The following LRBA variants were observed in gnomAD, a reference collection of about 807,000 sequenced individuals.
The protein encoded by LRBA is LPS responsive beige-like anchor protein.
LRBA carries 176 observed loss-of-function variants against 330.0 expected under a neutral mutation model. The observed-to-expected ratio is 0.53, with a 90% CI of 0.47 to 0.60. The LOEUF (loss-of-function observed/expected upper bound fraction) is 0.60, where lower values mean the gene tolerates loss of function less well. Ranked by LOEUF, LRBA falls within the 20% of genes least tolerant of loss-of-function variation. The probability of loss-of-function intolerance (pLI) is 0.00; values close to 1 mark genes in which losing one functional copy is unlikely to be tolerated. For synonymous variants in LRBA, 1,230 were observed against 1,193.0 expected, an observed-to-expected ratio of 1.03 and a Z score of -0.64; for missense variants, 3,259 against 3,444.8, an observed-to-expected ratio of 0.95 and a Z score of 1.35.
chr4:150,275,238 C>T (rs1221281785), intron 56 of LRBA, among the ~76,000 whole-genome samples: 6 of 152,092 alleles, frequency 3.9e-5, no homozygotes, highest in African/African-American at 1.4e-4. Flanking sequence ...ACCCCTTCAT[C>T]CTAAAAACTC....
intron 36 of LRBA, among the ~76,000 whole-genome samples, chr4:150,695,888 A>C (rs1000030116): frequency 4.6e-5 from 7 of 152,174 alleles, no homozygotes; most frequent in Admixed American, 2.0e-4. Flanking sequence ...AAGGTCTCCT[A>C]CTTATGAATA....
chr4:150,905,866 G>A lies in LRBA; in HGVS notation c.1727C>T (p.Pro576Leu). The A allele has an allele frequency of 6.2e-7, 1 of 1,613,416 alleles. No individual in the cohort carries two copies. Among genetic ancestry groups the A allele is most frequent in the Non-Finnish European group, 8.5e-7 (1 of 1,179,522 alleles). Residue 576 changes from proline to leucine, a missense_variant, in exon 13 of 57, where the codon CCT becomes CTT. Physicochemically the swap from Pro to Leu is moderately conservative, Grantham distance 98. Coordinates refer to ENST00000651943, the MANE Select transcript of LRBA (RefSeq NM_001364905.1). ...KQLCDHVLLN[P>L]AIWIHTPAKV... ...GGCTGGGGTATGAATCCATATGGCA[G>A]GATTAAGAAGAACGTGATCACACAA... is the stretch of plus-strand genomic sequence containing the variant.
intron 55 of LRBA, among the ~76,000 whole-genome samples, chr4:150,281,482 C>T (rs913644982): frequency 2.0e-5 from 3 of 152,084 alleles, no homozygotes; most frequent in African/African-American, 7.2e-5. Context: ...TCCCTGAGAC[C>T]AGTATTTACT....
At chr4:150,833,798 A>G (rs1378583172) in intron 28 of LRBA, among the ~76,000 whole-genome samples, 1 of 151,960 alleles carries the variant, frequency 6.6e-6, no homozygotes. Flanking sequence ...TTCTTTCACA[A>G]AAGATTTTTC....
chr4:150,487,859 T>C (rs1027251181), intron 41 of LRBA, 25 bp from the exon 42 acceptor site: 4 of 1,317,196 alleles, frequency 3.0e-6, no homozygotes, highest in South Asian at 1.3e-5. Context: ...TTTTAAAAAT[T>C]AGAACACAGT....
intron 31 of LRBA, among the ~76,000 whole-genome samples, chr4:150,811,536 T>C (rs1743734051): frequency 6.6e-6 from 1 of 152,118 alleles, no homozygotes; most frequent in Non-Finnish European, 1.5e-5. Context: ...GAGGTCTTGC[T>C]CTATTGCCCA....
intron 34 of LRBA, among the ~76,000 whole-genome samples, chr4:150,787,137 C>T (rs1042839070): frequency 1.3e-5 from 2 of 151,468 alleles, no homozygotes; most frequent in African/African-American, 4.9e-5. Flanking sequence ...GAGGCTGAGG[C>T]GGGAAGATCA....
At position 150,491,120 on chromosome 4, in the gene LRBA, C is replaced by A. The variant is rs938125778; in HGVS notation, c.6331-85G>T. 2.7e-5 allele frequency: 15 copies of A among 556,068 alleles called. No homozygotes were observed. The Admixed American group carries it at 4.1e-4, about 15-fold the overall frequency. 34.4% of individuals were successfully genotyped at this position (556,068 alleles called of 1,614,324 possible). A position where few individuals can be genotyped will look rare whatever the true frequency, so the allele number is the denominator to read the frequency against. ...TTTCCCCAATTAAAATAGAAAAGAC[C>A]CTATTAAGAAAAATAATTTTTAAGA... is the stretch of plus-strand genomic sequence containing the variant. On this transcript the variant is annotated intron_variant, in intron 40 of 56. Coordinates refer to ENST00000651943, the MANE Select transcript of LRBA (RefSeq NM_001364905.1).
intron 30 of LRBA, among the ~76,000 whole-genome samples, chr4:150,827,732 G>C (rs931218347): frequency 5.3e-5 from 8 of 151,648 alleles, no homozygotes; most frequent in African/African-American, 1.9e-4. Flanking sequence ...CTCTGGAGTA[G>C]CCTGGATTAC....
At chr4:150,516,858 C>G (rs1312223079) in intron 40 of LRBA, among the ~76,000 whole-genome samples, 1 of 152,056 alleles carries the variant, frequency 6.6e-6, no homozygotes, top group Non-Finnish European at 1.5e-5. Context: ...ACCCAACAAG[C>G]TTTTGGATAA....
chr4:150,715,412 G>A (rs1334137288), intron 36 of LRBA, among the ~76,000 whole-genome samples: 1 of 151,954 alleles, frequency 6.6e-6, no homozygotes, highest in Non-Finnish European at 1.5e-5. Context: ...AAGAAAGTGT[G>A]GCTATGTGCA....
intron 56 of LRBA, 28 bp from the exon 57 acceptor site, chr4:150,265,840 T>C: frequency 7.1e-7 from 1 of 1,405,146 alleles, no homozygotes; most frequent in Non-Finnish European, 1.0e-6. Flanking sequence ...AGAAGGACTT[T>C]TACAAACCTG....
intron 37 of LRBA, among the ~76,000 whole-genome samples, chr4:150,608,351 G>C (rs893337221): frequency 1.3e-5 from 2 of 152,154 alleles, no homozygotes; most frequent in African/African-American, 4.8e-5. Context: ...TGAAAGGGCA[G>C]GAGAAAGATG....
At chr4:150,598,385 GAATC>G (rs1773738145) in intron 38 of LRBA, among the ~76,000 whole-genome samples, 2 of 152,008 alleles carry the variant, frequency 1.3e-5, no homozygotes, top group African/African-American at 4.8e-5. Flanking sequence ...TACCTAAACT[GAATC>G]ATAGTCATAT....
intron 44 of LRBA, among the ~76,000 whole-genome samples, chr4:150,445,373 CTCTCTATA>C (rs1300350545): frequency 3.2e-4 from 27 of 83,974 alleles, no homozygotes; most frequent in African/African-American, 5.0e-4. Context: ...CTCTCTCTCT[CTCTCTATA>C]TATATATATA....
intron 29 of LRBA, among the ~76,000 whole-genome samples, chr4:150,829,194 C>A (rs956747000): frequency 6.6e-6 from 1 of 152,226 alleles, no homozygotes; most frequent in Non-Finnish European, 1.5e-5. Flanking sequence ...CCTCGGCCTC[C>A]CAAAGTGCTA....
intron 56 of LRBA, among the ~76,000 whole-genome samples, chr4:150,269,490 C>A (rs1034412421): frequency 6.6e-6 from 1 of 152,078 alleles, no homozygotes; most frequent in Non-Finnish European, 1.5e-5. Context: ...AAAAACAGAT[C>A]AAAAACCTAA....
At chr4:150,825,148 T>C (rs188578247) in intron 30 of LRBA, among the ~76,000 whole-genome samples, 8 of 152,212 alleles carry the variant, frequency 5.3e-5, no homozygotes, top group African/African-American at 1.9e-4. Context: ...CACAAACACT[T>C]AGAAATAGTA....
intron 33 of LRBA, among the ~76,000 whole-genome samples, chr4:150,805,591 GAA>G (rs1334806102): frequency 5.3e-5 from 7 of 131,994 alleles, no homozygotes; most frequent in African/African-American, 2.2e-4. Context: ...GAAAGGAAAG[GAA>G]AGGAAAGGAA....
Sources: allele counts gnomAD v4.1 joint callset (sites outside exome capture counted in the v4.1 genomes callset), GRCh38; gene constraint gnomAD v4.1.1; transcripts MANE v1.5; gene names NCBI Gene and HGNC (gene_info 2026-07-23, HGNC 2026-07-21).